Variants in ZNF639 observed in about 807,000 individuals in gnomAD.
The protein encoded by ZNF639 is zinc finger amplified in esophageal squamous cell carcinomas 1.
Under a neutral mutation model 39.8 loss-of-function variants are expected in ZNF639, and 20 were observed. The ratio of observed to expected loss-of-function variants is 0.50; its 90% CI spans 0.35 to 0.73. The LOEUF (loss-of-function observed/expected upper bound fraction) is 0.73. Among genes scored for constraint, ZNF639 ranks in the 30% least tolerant of loss-of-function variants. The pLI, the probability that ZNF639 is intolerant of heterozygous loss-of-function variation, is 0.00. For synonymous variants in ZNF639, 176 were observed against 189.8 expected, an observed-to-expected ratio of 0.93 and a Z score of 0.60; for missense variants, 477 against 566.2, an observed-to-expected ratio of 0.84 and a Z score of 1.60.
chr3:179,328,374 G>T, intron 3 of ZNF639, 23 bp downstream of exon 3: 1 of 1,513,182 alleles, frequency 6.6e-7, no homozygotes, highest in Non-Finnish European at 9.0e-7. Flanking sequence ...TTATTTTAAA[G>T]TTGGGTATGG....
chr3:179,326,066 C>G (rs1014442589), intron 1 of ZNF639, among the ~76,000 whole-genome samples: 2 of 151,992 alleles, frequency 1.3e-5, no homozygotes, highest in Non-Finnish European at 2.9e-5. Flanking sequence ...CGCGGTGCCT[C>G]GTGCCTGTAA....
rs1036665682 is a variant in ZNF639 at position 179,326,334 on chromosome 3, C to T, written c.-82-1227C>T. Among the ~76,000 whole-genome samples, 4 of 152,096 alleles carry T rather than the reference C, an allele frequency of 2.6e-5. No individual in the cohort carries two copies. The East Asian group carries it at 5.8e-4, about 22-fold the overall frequency. On this transcript the variant is annotated intron_variant, in intron 1 of 5. Transcript: ENST00000496856. Reference sequence around the variant, plus strand: ...CAAGATCGTGCCACTGCACTCCAGCCTGGGTGACAGAGCAAGACTCCGTTT... The same window carrying T: ...CAAGATCGTGCCACTGCACTCCAGCTTGGGTGACAGAGCAAGACTCCGTTT...
chr3:179,326,056 C>T (rs1338520997), intron 1 of ZNF639, among the ~76,000 whole-genome samples: 1 of 151,882 alleles, frequency 6.6e-6, no homozygotes, highest in Non-Finnish European at 1.5e-5. Context: ...ATAGGCCGGG[C>T]GCGGTGCCTC....
Position 179,337,624 on chromosome 3 carries a change from A to G in ZNF639, c.*3202A>G, listed in dbSNP as rs920308619. ...AGTGCTAGGATTACAGGCGTGAGCC[A>G]CTGCACCCGGCATAATTTTGGACTT... On this transcript the variant is annotated 3_prime_UTR_variant, in exon 6 of 6. Transcript: ENST00000496856. The G allele has an allele frequency of 6.6e-6, 1 of 152,172 alleles. No individual in the cohort carries two copies. Among genetic ancestry groups the G allele is most frequent in the Admixed American group, 6.5e-5 (1 of 15,268 alleles). 9.4% of individuals were successfully genotyped at this position (152,172 alleles called of 1,614,324 possible).
In ZNF639 at chr3:179,323,043, G is replaced by C. The variant is rs998117782; in HGVS notation, c.-331G>C. The C allele has an allele frequency of 1.3e-4, 131 of 984,952 alleles. No individual in the cohort carries two copies. The highest frequency in any genetic ancestry group is 1.5e-4 in the Non-Finnish European group (124 of 829,966). 61.0% of individuals were successfully genotyped at this position (984,952 alleles called of 1,614,324 possible). ...TCGGCGGGCCCCTGAGGTGCGCGGC[G>C]CAGGCGCGGAGCGTGGCGGCCAGGG... is the stretch of plus-strand genomic sequence containing the variant. On this transcript the variant is annotated 5_prime_UTR_variant, in exon 1 of 6. Transcript: ENST00000496856.
intron 1 of ZNF639, among the ~76,000 whole-genome samples, chr3:179,327,299 T>C (rs550606776): frequency 6.6e-6 from 1 of 152,228 alleles, no homozygotes; most frequent in Admixed American, 6.5e-5. Context: ...AAGATTTAAC[T>C]ATAGGTCAGG....
Position 179,333,398 on chromosome 3 carries a change from A to G in ZNF639, c.434A>G (p.His145Arg). Reference sequence around the variant, plus strand: ...GATGTTCCAATTGCTGTAGAAGTGCATGCGATTTCTGAGGATTATGATATA... The same window carrying G: ...GATGTTCCAATTGCTGTAGAAGTGCGTGCGATTTCTGAGGATTATGATATA... ...AEDVPIAVEV[H>R]AISEDYDIET... The change falls in exon 6 of 6, where the codon CAT becomes CGT. Residue 145 changes from histidine (H) to arginine (R), a missense_variant. By Grantham distance (29) the His-to-Arg change is conservative. Transcript: ENST00000496856. 2 of 1,614,174 alleles carry G rather than the reference A, an allele frequency of 1.2e-6. No homozygotes were observed. Among genetic ancestry groups the G allele is most frequent in the South Asian group, 1.1e-5 (1 of 91,084 alleles).
At position 179,335,498 on chromosome 3, in the gene ZNF639, A is replaced by T. The variant is rs1439213474; in HGVS notation, c.*1076A>T. Reference sequence around the variant, plus strand: ...GGGGTTGCTGGCATGAAAATGTATAACTTACAACATTTATTAATAAAATGA... The same window carrying T: ...GGGGTTGCTGGCATGAAAATGTATATCTTACAACATTTATTAATAAAATGA... On this transcript the variant is annotated 3_prime_UTR_variant, in exon 6 of 6. Transcript: ENST00000496856. The T allele has an allele frequency of 6.6e-6, 1 of 152,216 alleles. No individual in the cohort carries two copies. Among genetic ancestry groups the T allele is most frequent in the Non-Finnish European group, 1.5e-5 (1 of 68,046 alleles). The allele number at this position is 152,216 out of a possible 1,614,324, so 9.4% of individuals were successfully genotyped here. A position where few individuals can be genotyped will look rare whatever the true frequency, so the allele number is the denominator to read the frequency against.
Position 179,333,365 on chromosome 3 carries a change from C to G in ZNF639, c.401C>G (p.Thr134Ser). ...GAGGAGAGTCCTATAGAAGTTCACA[C>G]TGCTGAAGATGTTCCAATTGCTGTA... The part of the protein sequence containing the change: ...TQEESPIEVH[T>S]AEDVPIAVEV... Residue 134 changes from threonine (T) to serine (S), a missense_variant, in exon 6 of 6, where the codon ACT becomes AGT. Coordinates refer to ENST00000496856, the MANE Select transcript of ZNF639 (RefSeq NM_001303426.2). 6.2e-7 allele frequency: 1 copy of G among 1,614,106 alleles called. No homozygotes were observed. Among genetic ancestry groups the G allele is most frequent in the Non-Finnish European group, 8.5e-7 (1 of 1,179,998 alleles).
intron 4 of ZNF639, among the ~76,000 whole-genome samples, 160 bp from the exon 5 acceptor site, chr3:179,332,827 TTC>T (rs1274450677): frequency 2.0e-5 from 3 of 152,252 alleles, no homozygotes; most frequent in African/African-American, 7.2e-5. Context: ...TGAGCAGATT[TTC>T]TGTGTCTGAG....
In ZNF639 at chr3:179,333,728, A is replaced by G. The variant is rs755484246; in HGVS notation, c.764A>G (p.His255Arg). 3 of 1,614,198 alleles carry G rather than the reference A, an allele frequency of 1.9e-6. No homozygotes were observed. Among genetic ancestry groups the G allele is most frequent in the Non-Finnish European group, 2.5e-6 (3 of 1,180,024 alleles). The change falls in exon 6 of 6, where the codon CAT becomes CGT. Residue 255 changes from histidine to arginine, a missense_variant. By Grantham distance (29) the His-to-Arg change is conservative. Coordinates refer to ENST00000496856, the MANE Select transcript of ZNF639 (RefSeq NM_001303426.2). ...NMLLIEHAKL[H>R]EEDPYICKYC... ...CTTCTGATAGAACATGCCAAACTGC[A>G]TGAAGAGGATCCCTACATTTGTAAA...
Position 179,335,774 on chromosome 3 carries a change from CTT to C in ZNF639, c.*1368_*1369del, listed in dbSNP as rs35673654. The stretch of plus-strand genomic sequence containing the variant: ...TGCAAGTCTGTCCCCCAAATTTCCT[CTT>C]TTTTTTTTTTTTTTTGCTTTTTTAA... On this transcript the variant is annotated 3_prime_UTR_variant, in exon 6 of 6. Transcript: ENST00000496856. The C allele has an allele frequency of 4.5e-4, 58 of 128,570 alleles. No homozygotes were observed. The highest frequency in any genetic ancestry group is 7.8e-4 in the African/African-American group (27 of 34,400). The allele number at this position is 128,570 out of a possible 1,614,324, so 8.0% of individuals were successfully genotyped here. A position where few individuals can be genotyped will look rare whatever the true frequency, so the allele number is the denominator to read the frequency against.
At position 179,323,185 on chromosome 3, in the gene ZNF639, C is replaced by T; in HGVS notation, c.-189C>T. 6.1e-6 allele frequency: 6 copies of T among 984,766 alleles called. No individual in the cohort carries two copies. The highest frequency in any genetic ancestry group is 7.2e-6 in the Non-Finnish European group (6 of 829,764). 61.0% of individuals were successfully genotyped at this position (984,766 alleles called of 1,614,324 possible). A position where few individuals can be genotyped will look rare whatever the true frequency, so the allele number is the denominator to read the frequency against. ...GAGCGCTAGGGCCGGAGCAGCGCTG[C>T]CCGCCGCCGTGCGTCCGCGGGAAGG... On this transcript the variant is annotated 5_prime_UTR_variant, in exon 1 of 6. Transcript: ENST00000496856.
chr3:179,333,618 C>G lies in ZNF639; in HGVS notation c.654C>G (p.Asp218Glu), dbSNP rs756856672. ...LCEFNSKYFSDLKQHMILKHK... is the reference protein window; with the variant it reads ...LCEFNSKYFSELKQHMILKHK... Reference sequence around the variant, plus strand: ...AGTTTAACAGCAAATATTTTTCTGACTTAAAGCAGCATATGATCCTGAAGC... The same window carrying G: ...AGTTTAACAGCAAATATTTTTCTGAGTTAAAGCAGCATATGATCCTGAAGC... The change falls in exon 6 of 6, where the codon GAC becomes GAG. Residue 218 changes from aspartate to glutamate, a missense_variant. By Grantham distance (45) the Asp-to-Glu change is conservative. Coordinates refer to ENST00000496856, the MANE Select transcript of ZNF639 (RefSeq NM_001303426.2). 1.5e-5 allele frequency: 25 copies of G among 1,613,986 alleles called. No individual in the cohort carries two copies. In the South Asian group the frequency reaches 2.7e-4, roughly 18 times the overall value.
intron 1 of ZNF639, chr3:179,325,221 A>G (rs1727520818): frequency 6.6e-6 from 1 of 152,352 alleles, no homozygotes; most frequent in South Asian, 2.1e-4. Flanking sequence ...GGGTTTCCCC[A>G]TGTTGGTCAG....
At chr3:179,332,625 G>A (rs970639046) in intron 4 of ZNF639, among the ~76,000 whole-genome samples, 6 of 152,272 alleles carry the variant, frequency 3.9e-5, no homozygotes, top group African/African-American at 1.4e-4. Flanking sequence ...TTGGTCCCTC[G>A]CAAAATGTTG....
At position 179,327,571 on chromosome 3, in the gene ZNF639, C is replaced by G. The variant is rs1444278984; in HGVS notation, c.-72C>G. ...ATGTTTTACTTACAGGCATTTTTTA[C>G]TGTCTACAGAAACTTATTGTAATTC... On this transcript the variant is annotated 5_prime_UTR_variant, in exon 2 of 6. Coordinates refer to ENST00000496856, the MANE Select transcript of ZNF639 (RefSeq NM_001303426.2). The G allele has an allele frequency of 6.6e-6, 1 of 152,100 alleles. No homozygotes were observed. The highest frequency in any genetic ancestry group is 1.5e-5 in the Non-Finnish European group (1 of 68,018). 9.4% of individuals were successfully genotyped at this position (152,100 alleles called of 1,614,324 possible).
At chr3:179,331,605 G>T (rs1300560322) in intron 4 of ZNF639, among the ~76,000 whole-genome samples, 3 of 151,908 alleles carry the variant, frequency 2.0e-5, no homozygotes, top group Admixed American at 2.0e-4. Flanking sequence ...GAGAGACCCT[G>T]TCTCTACTAA....
rs1366147554 is a variant in ZNF639 at position 179,327,602 on chromosome 3, TC to T, written c.-39del. 2.6e-5 allele frequency: 4 copies of T among 152,354 alleles called. No individual in the cohort carries two copies. Among genetic ancestry groups the T allele is most frequent in the African/African-American group, 7.2e-5 (3 of 41,584 alleles). The allele number at this position is 152,354 out of a possible 1,614,324, so 9.4% of individuals were successfully genotyped here. On this transcript the variant is annotated 5_prime_UTR_variant, in exon 2 of 6. Coordinates refer to ENST00000496856, the MANE Select transcript of ZNF639 (RefSeq NM_001303426.2). ...ACAGAAACTTATTGTAATTCATTTT[TC>T]CTCACTCCAGTAGTAAGAATTATAC...
Sources: gnomAD v4.1 joint callset for allele counts (sites outside exome capture counted in the v4.1 genomes callset) on GRCh38, gnomAD v4.1.1 for gene constraint, MANE v1.5 for transcripts, NCBI Gene and HGNC (gene_info 2026-07-23, HGNC 2026-07-21) for gene names.